TAFA5: variants seen among roughly 807,000 people sequenced by gnomAD.
TAFA5 encodes the protein TAFA chemokine like family member 5.
Under a neutral mutation model 15.3 loss-of-function variants are expected in TAFA5, and 6 were observed. The observed-to-expected ratio is 0.39, with a 90% CI of 0.21 to 0.77. TAFA5 has a LOEUF of 0.77. Ranked by LOEUF, TAFA5 falls within the 30% of genes least tolerant of loss-of-function variation. The pLI, the probability that TAFA5 is intolerant of heterozygous loss-of-function variation, is 0.41. For missense variants in TAFA5, 161 were observed against 193.1 expected (o/e 0.83, Z 0.98); for synonymous variants, 103 against 80.7 (o/e 1.28, Z -1.48).
In TAFA5 at chr22:48,530,971, C is replaced by T. The variant is rs768201553; in HGVS notation, c.112+41267C>T. Reference sequence around the variant, plus strand: ...TGCAAAGTGGTGCCCCTGCCCGCCCCGACCCCAGCCTTGTTAGGGGACTGG... The same window carrying T: ...TGCAAAGTGGTGCCCCTGCCCGCCCTGACCCCAGCCTTGTTAGGGGACTGG... On this transcript the variant is annotated intron_variant, in intron 1 of 3. Coordinates refer to ENST00000402357, the MANE Select transcript of TAFA5 (RefSeq NM_001082967.3). This position sits in a 1 kb window ranked among gnomAD's most constrained non-coding sequence, Gnocchi z 6.0. 2.0e-5 allele frequency among the ~76,000 whole-genome samples: 3 copies of T among 152,184 alleles called. No homozygotes were observed. The highest frequency in any genetic ancestry group is 2.1e-4 in the South Asian group (1 of 4,834).
At chr22:48,599,062 C>T (rs772320773) in intron 1 of TAFA5, among the ~76,000 whole-genome samples, 2 of 152,214 alleles carry the variant, frequency 1.3e-5, no homozygotes, top group Non-Finnish European at 2.9e-5. Flanking sequence ...GCAAGCCGTC[C>T]TCCCAGCACC....
At chr22:48,519,457 C>T (rs369337444) in intron 1 of TAFA5, among the ~76,000 whole-genome samples, 5 of 152,352 alleles carry the variant, frequency 3.3e-5, no homozygotes, top group Admixed American at 6.5e-5. Flanking sequence ...TCATGCATCT[C>T]GCTGCCACTG....
At chr22:48,636,267 C>T (rs144761773) in intron 1 of TAFA5, among the ~76,000 whole-genome samples, 281 of 152,328 alleles carry the variant, frequency 1.8e-3, no homozygotes, top group African/African-American at 6.4e-3. Context: ...AGCCTGGGCC[C>T]GACGCTGGCT....
In TAFA5 at chr22:48,542,332, TG is replaced by T. The variant is rs1454351821; in HGVS notation, c.112+52630del. On this transcript the variant is annotated intron_variant, in intron 1 of 3. Transcript: ENST00000402357. ...AGTGTGTATGTGTGTGTGATGTGTGTGGTGTGTGTGTGGTGTGTGTGCATAT... is the reference window on the plus strand; with the variant it reads ...AGTGTGTATGTGTGTGTGATGTGTGTGTGTGTGTGTGGTGTGTGTGCATAT... 2.4e-5 allele frequency among the ~76,000 whole-genome samples: 3 copies of T among 122,580 alleles called. No individual in the cohort carries two copies. The East Asian group carries it at 8.5e-4, about 35-fold the overall frequency. 80.4% of individuals were successfully genotyped at this position (122,580 alleles called of 152,430 possible).
At chr22:48,655,974 G>C (rs1278204827) in intron 2 of TAFA5, among the ~76,000 whole-genome samples, 1 of 151,108 alleles carries the variant, frequency 6.6e-6, no homozygotes, top group Non-Finnish European at 1.5e-5. Flanking sequence ...GAGTAGCAGG[G>C]ATTACAGGCG....
chr22:48,574,806 A>G (rs746031369), intron 1 of TAFA5, among the ~76,000 whole-genome samples: 5 of 152,180 alleles, frequency 3.3e-5, no homozygotes, highest in African/African-American at 4.8e-5. Flanking sequence ...TGACGAGGAC[A>G]CCTGTGCCCC....
intron 1 of TAFA5, among the ~76,000 whole-genome samples, chr22:48,500,420 A>G (rs1411951303): frequency 6.6e-6 from 1 of 152,234 alleles, no homozygotes; most frequent in Non-Finnish European, 1.5e-5. Context: ...GTGTTTTCAA[A>G]TAGGGGACGG....
chr22:48,492,358 C>T (rs1003958927), intron 1 of TAFA5, among the ~76,000 whole-genome samples: 8 of 152,172 alleles, frequency 5.3e-5, no homozygotes, highest in African/African-American at 1.4e-4. Context: ...TATCATACAG[C>T]GTTCAATTAT....
chr22:48,552,896 C>A lies in TAFA5; in HGVS notation c.112+63192C>A, dbSNP rs961385346. 6.6e-6 allele frequency among the ~76,000 whole-genome samples: 1 copy of A among 152,070 alleles called. No individual in the cohort carries two copies. Among genetic ancestry groups the A allele is most frequent in the East Asian group, 1.9e-4 (1 of 5,152 alleles). On this transcript the variant is annotated intron_variant, in intron 1 of 3. Coordinates refer to ENST00000402357, the MANE Select transcript of TAFA5 (RefSeq NM_001082967.3). The surrounding 1 kb of genome is among the most constrained non-coding windows in gnomAD (Gnocchi z 4.1). ...AGCCCCTGGTTTCCCACTGTTGTGA[C>A]GGCCCTGTCTGCATTCCCTGCAGAA...
chr22:48,621,459 A>C (rs1340424478), intron 1 of TAFA5, among the ~76,000 whole-genome samples: 6 of 151,962 alleles, frequency 3.9e-5, no homozygotes, highest in Non-Finnish European at 7.4e-5. Context: ...CCCCATGCCC[A>C]TCATGTAGGT....
At chr22:48,526,259 G>T (rs1002042216) in intron 1 of TAFA5, among the ~76,000 whole-genome samples, 1 of 152,246 alleles carries the variant, frequency 6.6e-6, no homozygotes, top group Non-Finnish European at 1.5e-5. Flanking sequence ...CCTGAGCTGG[G>T]ACTATGCCAT....
chr22:48,551,345 AGTCT>A (rs1922849221), intron 1 of TAFA5, among the ~76,000 whole-genome samples: 2 of 152,136 alleles, frequency 1.3e-5, no homozygotes, highest in African/African-American at 4.8e-5. Flanking sequence ...CGCCTGGCAT[AGTCT>A]TGGCAGGTGC....
chr22:48,659,396 A>G (rs1211070385), intron 2 of TAFA5, among the ~76,000 whole-genome samples: 1 of 152,242 alleles, frequency 6.6e-6, no homozygotes, highest in African/African-American at 2.4e-5. Context: ...CAGGAGGCAG[A>G]GAGGCTGGAC....
At chr22:48,708,718 T>C (rs1929160416) in intron 3 of TAFA5, among the ~76,000 whole-genome samples, 1 of 152,168 alleles carries the variant, frequency 6.6e-6, no homozygotes, top group Non-Finnish European at 1.5e-5. Flanking sequence ...GGATCCGGGC[T>C]CCACGCTCTG....
At chr22:48,607,965 A>G (rs1348917214) in intron 1 of TAFA5, among the ~76,000 whole-genome samples, 5 of 151,452 alleles carry the variant, frequency 3.3e-5, no homozygotes, top group African/African-American at 7.3e-5. Flanking sequence ...CCTCCTTGGG[A>G]GGTAGGAGGC....
Position 48,598,113 on chromosome 22 carries a change from G to T in TAFA5, c.113-48484G>T, listed in dbSNP as rs376267664. ...TCTGCAGGGAAGAGGGCAGGCTGGA[G>T]ACGCAGCGAGAGGTGCAGCTGGCGT... is the stretch of plus-strand genomic sequence containing the variant. On this transcript the variant is annotated intron_variant, in intron 1 of 3. Transcript: ENST00000402357. This position sits in a 1 kb window ranked among gnomAD's most constrained non-coding sequence, Gnocchi z 4.0. Among the ~76,000 whole-genome samples the T allele has an allele frequency of 2.6e-4, 40 of 152,322 alleles. 1 individual carries two copies. The highest frequency in any genetic ancestry group is 9.6e-4 in the African/African-American group (40 of 41,580).
At chr22:48,567,703 G>C (rs923630887) in intron 1 of TAFA5, among the ~76,000 whole-genome samples, 2 of 152,128 alleles carry the variant, frequency 1.3e-5, no homozygotes, top group Non-Finnish European at 2.9e-5. Context: ...AAGCTCCTCC[G>C]GGTGAGCTCG....
chr22:48,589,986 C>T (rs1201534490), intron 1 of TAFA5, among the ~76,000 whole-genome samples: 4 of 149,768 alleles, frequency 2.7e-5, no homozygotes, highest in South Asian at 2.1e-4. Flanking sequence ...TTGCAGCCGA[C>T]GTGTGTGTGT....
chr22:48,749,930 C>A lies in TAFA5; in HGVS notation c.*83C>A. On this transcript the variant is annotated 3_prime_UTR_variant, in exon 4 of 4. Coordinates refer to ENST00000402357, the MANE Select transcript of TAFA5 (RefSeq NM_001082967.3). ...CTCAGCCACAGTTCTCCACTCGCCT[C>A]GGACTTCACCCGTTCTCTGCCGCCC... The A allele has an allele frequency of 1.5e-6, 2 of 1,318,994 alleles. No individual in the cohort carries two copies. Among genetic ancestry groups the A allele is most frequent in the Non-Finnish European group, 1.1e-6 (1 of 940,992 alleles). 81.7% of individuals were successfully genotyped at this position (1,318,994 alleles called of 1,614,324 possible).
Sources: gnomAD v4.1 joint callset for allele counts (sites outside exome capture counted in the v4.1 genomes callset) on GRCh38, gnomAD v4.1.1 for gene constraint, Gnocchi (gnomAD v3.1) non-coding constraint, MANE v1.5 for transcripts, NCBI Gene and HGNC (gene_info 2026-07-23, HGNC 2026-07-21) for gene names.